NSD2: variants seen among roughly 807,000 people sequenced by gnomAD.
The protein encoded by NSD2 is nuclear receptor binding SET domain protein 2.
Under a neutral mutation model 139.0 loss-of-function variants are expected in NSD2, and 12 were observed. The observed-to-expected ratio is 0.09, with a 90% CI of 0.06 to 0.14. NSD2 has a LOEUF of 0.14. Ranked by LOEUF, NSD2 falls within the 10% of genes least tolerant of loss-of-function variation. The probability of loss-of-function intolerance (pLI) is 1.00; values close to 1 mark genes in which losing one functional copy is unlikely to be tolerated. For synonymous variants in NSD2, 669 were observed against 648.7 expected, an observed-to-expected ratio of 1.03 and a Z score of -0.48; for missense variants, 1,155 against 1,745.0, an observed-to-expected ratio of 0.66 and a Z score of 6.02.
At chr4:1,947,391 C>A in intron 9 of NSD2, 1 of 1,060,916 alleles carries the variant, frequency 9.4e-7, no homozygotes, top group Non-Finnish European at 1.1e-6. Context: ...GGTTAGAAGA[C>A]GACTGTGGTG....
rs1449961413 is a variant in NSD2, at chr4:1,976,750, C to T, written c.3826+71C>T. ...AGGCTCCTGATGGCGGCTGCTGCCG[C>T]TCTTCCTGCTGACCGGGCCTCATCT... On this transcript the variant is annotated intron_variant, in intron 21 of 21. Coordinates refer to ENST00000508803, the MANE Select transcript of NSD2 (RefSeq NM_001042424.3). The surrounding 1 kb of genome is among the most constrained non-coding windows in gnomAD (Gnocchi z 5.3). 1 of 1,476,314 alleles carries T rather than the reference C, an allele frequency of 6.8e-7. No individual in the cohort carries two copies. The highest frequency in any genetic ancestry group is 2.5e-5 in the East Asian group (1 of 40,438). 91.5% of individuals were successfully genotyped at this position (1,476,314 alleles called of 1,614,324 possible). A position where few individuals can be genotyped will look rare whatever the true frequency, so the allele number is the denominator to read the frequency against.
In NSD2 at chr4:1,948,321, G is replaced by T. The variant is rs1307676983; in HGVS notation, c.1882-2751G>T. On this transcript the variant is annotated intron_variant, in intron 9 of 21. Transcript: ENST00000508803. This position sits in a 1 kb window ranked among gnomAD's most constrained non-coding sequence, Gnocchi z 4.5. ...GTTGGATATGGAATAGATCGTAGAT[G>T]TTGTAGACTGAGATTTGGGACTATG... 5 of 1,065,554 alleles carry T rather than the reference G, an allele frequency of 4.7e-6. No homozygotes were observed. Among genetic ancestry groups the T allele is most frequent in the African/African-American group, 3.3e-5 (2 of 61,014 alleles). The allele number at this position is 1,065,554 out of a possible 1,614,324, so 66.0% of individuals were successfully genotyped here. A position where few individuals can be genotyped will look rare whatever the true frequency, so the allele number is the denominator to read the frequency against.
intron 11 of NSD2, chr4:1,953,047 G>T (rs2108949241): frequency 6.9e-7 from 1 of 1,448,780 alleles, no homozygotes; most frequent in East Asian, 2.5e-5. Context: ...CAAGCTTCTT[G>T]CCAGTTAGAC....
chr4:1,941,676 A>T (rs1166449719), intron 9 of NSD2: 1 of 1,045,780 alleles, frequency 9.6e-7, no homozygotes. Context: ...CATAGTGTGC[A>T]TCATGTTCCT....
At chr4:1,947,769 A>G in intron 9 of NSD2, 1 of 1,049,100 alleles carries the variant, frequency 9.5e-7, no homozygotes, top group Non-Finnish European at 1.2e-6. Flanking sequence ...GTCAGTTTAT[A>G]GAAATATTTA....
At chr4:1,887,116 G>A (rs1428331061) in intron 1 of NSD2, among the ~76,000 whole-genome samples, 1 of 152,166 alleles carries the variant, frequency 6.6e-6, no homozygotes, top group Non-Finnish European at 1.5e-5. Context: ...CCTGCTCCAT[G>A]TGATGCCAGC....
chr4:1,976,975 T>C lies in NSD2; in HGVS notation c.3826+296T>C, dbSNP rs937878000. On this transcript the variant is annotated intron_variant, in intron 21 of 21. Coordinates refer to ENST00000508803, the MANE Select transcript of NSD2 (RefSeq NM_001042424.3). The surrounding 1 kb of genome is among the most constrained non-coding windows in gnomAD (Gnocchi z 5.3). Reference sequence around the variant, plus strand: ...GCAGAATTGGGGCCCTCATCCATGCTGTGGGGGCGGGGCGGCCAGGAAGGA... The same window carrying C: ...GCAGAATTGGGGCCCTCATCCATGCCGTGGGGGCGGGGCGGCCAGGAAGGA... Among the ~76,000 whole-genome samples, 1 of 152,226 alleles carries C rather than the reference T, an allele frequency of 6.6e-6. No homozygotes were observed. The highest frequency in any genetic ancestry group is 1.5e-5 in the Non-Finnish European group (1 of 68,030).
At chr4:1,886,496 T>C (rs1293619904) in intron 1 of NSD2, among the ~76,000 whole-genome samples, 2 of 152,186 alleles carry the variant, frequency 1.3e-5, no homozygotes, top group African/African-American at 2.4e-5. Flanking sequence ...CTTGAGCCAC[T>C]GTGCCTGGCC....
chr4:1,901,640 G>A (rs1357412568), intron 2 of NSD2, among the ~76,000 whole-genome samples: 1 of 152,246 alleles, frequency 6.6e-6, no homozygotes, highest in African/African-American at 2.4e-5. Context: ...TGTGGTCAGT[G>A]GAGACAGGCT....
chr4:1,932,614 C>A (rs541138171), intron 6 of NSD2, among the ~76,000 whole-genome samples: 67 of 149,486 alleles, frequency 4.5e-4, no homozygotes, highest in Non-Finnish European at 8.5e-4. Context: ...GGCGTGGTGG[C>A]ACATGCCTGT....
Position 1,980,504 on chromosome 4 carries a change from T to TA in NSD2, c.*1598dup, listed in dbSNP as rs1727652399. 3 of 233,228 alleles carry TA rather than the reference T, an allele frequency of 1.3e-5. No homozygotes were observed. In the Admixed American group the frequency reaches 1.7e-4, roughly 13 times the overall value. 14.4% of individuals were successfully genotyped at this position (233,228 alleles called of 1,614,324 possible). A position where few individuals can be genotyped will look rare whatever the true frequency, so the allele number is the denominator to read the frequency against. On this transcript the variant is annotated 3_prime_UTR_variant, in exon 22 of 22. Coordinates refer to ENST00000508803, the MANE Select transcript of NSD2 (RefSeq NM_001042424.3). Reference sequence around the variant, plus strand: ...TGAAAACTGCTGCTGAGGCTCCTGTTAAATTTTCTGTGGCATCTTTTATGC... The same window carrying TA: ...TGAAAACTGCTGCTGAGGCTCCTGTTAAAATTTTCTGTGGCATCTTTTATGC...
intron 6 of NSD2, among the ~76,000 whole-genome samples, chr4:1,934,074 G>T (rs1291065152): frequency 2.0e-5 from 3 of 150,640 alleles, no homozygotes; most frequent in Non-Finnish European, 2.9e-5. Flanking sequence ...GTAAGGAAAA[G>T]ATTTTTTTTT....
At chr4:1,873,381 CAT>C (rs1577342497) in intron 1 of NSD2, among the ~76,000 whole-genome samples, 1 of 152,166 alleles carries the variant, frequency 6.6e-6, no homozygotes, top group South Asian at 2.1e-4. Context: ...TCGTATGTAA[CAT>C]ATAAACTAAT....
At position 1,939,874 on chromosome 4, in the gene NSD2, C is replaced by G; in HGVS notation, c.1881+96C>G. ...GAGTAATGCTCAGACTTCATAAGCGCAGCATTGGTGCTCACTGCCAGTGCA... is the reference window on the plus strand; with the variant it reads ...GAGTAATGCTCAGACTTCATAAGCGGAGCATTGGTGCTCACTGCCAGTGCA... On this transcript the variant is annotated intron_variant, in intron 9 of 21. Coordinates refer to ENST00000508803, the MANE Select transcript of NSD2 (RefSeq NM_001042424.3). 3.1e-6 allele frequency: 5 copies of G among 1,596,346 alleles called. No homozygotes were observed. The South Asian group carries it at 4.4e-5, about 14-fold the overall frequency.
chr4:1,947,114 C>T (rs1016386043), intron 9 of NSD2: 10 of 1,065,082 alleles, frequency 9.4e-6, no homozygotes, highest in Middle Eastern at 4.1e-4. Flanking sequence ...GTCCTCAAGT[C>T]CTTCGCAGAC....
In NSD2 at chr4:1,930,522, G is replaced by A. The variant is rs140516422; in HGVS notation, c.1411-104G>A. 70 of 1,226,546 alleles carry A rather than the reference G, an allele frequency of 5.7e-5. No individual in the cohort carries two copies. In the African/African-American group the frequency reaches 7.8e-4, roughly 14 times the overall value. 76.0% of individuals were successfully genotyped at this position (1,226,546 alleles called of 1,614,324 possible). Reference sequence around the variant, plus strand: ...TTCCACGATGTGGGAATAAAAATGCGACACACTAAGTTCTAAAGGGCCGTG... The same window carrying A: ...TTCCACGATGTGGGAATAAAAATGCAACACACTAAGTTCTAAAGGGCCGTG... On this transcript the variant is annotated intron_variant, in intron 5 of 21. Coordinates refer to ENST00000508803, the MANE Select transcript of NSD2 (RefSeq NM_001042424.3).
intron 18 of NSD2, among the ~76,000 whole-genome samples, chr4:1,969,005 T>A (rs1726162568): frequency 6.6e-6 from 1 of 152,162 alleles, no homozygotes; most frequent in Non-Finnish European, 1.5e-5. Flanking sequence ...AACAGACCCA[T>A]CCACTGAAAG....
intron 1 of NSD2, among the ~76,000 whole-genome samples, chr4:1,872,637 C>CGCGCGAGA (rs1553856510): frequency 2.4e-5 from 2 of 81,746 alleles, no homozygotes; most frequent in African/African-American, 8.6e-5. Context: ...AGAGAGAGAG[C>CGCGCGAGA]GCGCAGACCC....
intron 3 of NSD2, among the ~76,000 whole-genome samples, chr4:1,911,662 T>C (rs1327447967): frequency 7.2e-6 from 1 of 138,836 alleles, no homozygotes; most frequent in Admixed American, 7.2e-5. Flanking sequence ...ACTAATAACA[T>C]AGTACTGGGA....
Sources: gnomAD v4.1 joint callset for allele counts (sites outside exome capture counted in the v4.1 genomes callset) on GRCh38, gnomAD v4.1.1 for gene constraint, Gnocchi (gnomAD v3.1) non-coding constraint, MANE v1.5 for transcripts, NCBI Gene and HGNC (gene_info 2026-07-23, HGNC 2026-07-21) for gene names.